The following SCN1A variants were observed in gnomAD, a reference collection of about 807,000 sequenced individuals.
The protein encoded by SCN1A is sodium voltage-gated channel alpha subunit 1, also known as sodium channel protein type 1 subunit alpha.
SCN1A carries 13 observed loss-of-function variants against 193.7 expected under a neutral mutation model. The ratio of observed to expected loss-of-function variants is 0.07; its 90% CI spans 0.04 to 0.11. SCN1A has a LOEUF of 0.11. Ranked by LOEUF, SCN1A falls within the 10% of genes least tolerant of loss-of-function variation. SCN1A has a pLI of 1.00. For missense variants in SCN1A, 1,432 were observed against 2,451.1 expected (o/e 0.58, Z 8.78); for synonymous variants, 781 against 843.6 (o/e 0.93, Z 1.29).
At chr2:165,997,560 G>T (rs1177796287) in intron 26 of SCN1A, among the ~76,000 whole-genome samples, 1 of 151,126 alleles carries the variant, frequency 6.6e-6, no homozygotes, top group Non-Finnish European at 1.5e-5. Context: ...CTTGGAGAAA[G>T]AAATGGGAAT....
chr2:166,008,425 A>ATT (rs559114893), intron 23 of SCN1A, among the ~76,000 whole-genome samples: 1 of 150,946 alleles, frequency 6.6e-6, no homozygotes, highest in African/African-American at 2.4e-5. Flanking sequence ...CACAAATGAC[A>ATT]TTTTTTTTCT....
chr2:166,034,232 A>G (rs962611677), intron 19 of SCN1A, among the ~76,000 whole-genome samples: 9 of 152,170 alleles, frequency 5.9e-5, no homozygotes, highest in Admixed American at 2.0e-4. Context: ...GAATTAACTA[A>G]GCAGCTCTAA....
chr2:166,129,372 G>A (rs1335839057), upstream of SCN1A, among the ~76,000 whole-genome samples: 1 of 152,060 alleles, frequency 6.6e-6, no homozygotes, highest in Non-Finnish European at 1.5e-5. Flanking sequence ...ACATTTACTA[G>A]CCCTTAATTA....
chr2:166,119,908 T>G (rs933597974), intron 2 of SCN1A, among the ~76,000 whole-genome samples: 2 of 152,186 alleles, frequency 1.3e-5, no homozygotes, highest in African/African-American at 4.8e-5. Context: ...TTATTCTAGT[T>G]TTTAAGGCAA....
intron 2 of SCN1A, among the ~76,000 whole-genome samples, chr2:166,080,151 C>T (rs1299161445): frequency 6.6e-6 from 1 of 151,472 alleles, no homozygotes; most frequent in African/African-American, 2.4e-5. Flanking sequence ...GAGATTTCAC[C>T]TCTTTATTCT....
At chr2:166,017,582 C>T (rs950005522) in intron 19 of SCN1A, among the ~76,000 whole-genome samples, 3 of 151,898 alleles carry the variant, frequency 2.0e-5, no homozygotes, top group East Asian at 1.9e-4. Flanking sequence ...TGGCACTATC[C>T]GGGACATAAT....
At chr2:166,047,542 T>A in intron 11 of SCN1A, 85 bp downstream of exon 11, 2 of 1,467,146 alleles carry the variant, frequency 1.4e-6, no homozygotes, top group Admixed American at 3.4e-5. Context: ...TTCTACTATA[T>A]TATCATCCGG....
At chr2:166,148,670 G>T (rs780010598) in intron 1 of SCN1A, among the ~76,000 whole-genome samples, 2 of 152,092 alleles carry the variant, frequency 1.3e-5, no homozygotes, top group African/African-American at 2.4e-5. Flanking sequence ...ACTTACAAGG[G>T]AAGCAAATTT....
intron 2 of SCN1A, chr2:166,081,725 G>C (rs1232019001): frequency 6.6e-6 from 1 of 151,696 alleles, no homozygotes; most frequent in Non-Finnish European, 1.5e-5. Context: ...TAAATTCTAT[G>C]TTGTTTTTAA....
intron 1 of SCN1A, among the ~76,000 whole-genome samples, chr2:166,146,530 G>A (rs1360455311): frequency 1.3e-5 from 2 of 152,150 alleles, no homozygotes; most frequent in Non-Finnish European, 1.5e-5. Context: ...ACAACTGAGG[G>A]TTTCTATGGA....
intron 4 of SCN1A, among the ~76,000 whole-genome samples, chr2:166,072,922 G>A (rs533797863): frequency 3.5e-5 from 5 of 144,576 alleles, no homozygotes; most frequent in South Asian, 4.4e-4. Context: ...CTGCAACCTC[G>A]GCCTCCAGGG....
intron 23 of SCN1A, among the ~76,000 whole-genome samples, chr2:166,008,878 T>C (rs1356475388): frequency 1.3e-5 from 2 of 150,874 alleles, no homozygotes; most frequent in Non-Finnish European, 3.0e-5. Context: ...TAATTTTTTA[T>C]ATTATATATC....
intron 1 of SCN1A, among the ~76,000 whole-genome samples, chr2:166,135,451 C>T (rs1574641915): frequency 6.6e-6 from 1 of 152,178 alleles, no homozygotes; most frequent in African/African-American, 2.4e-5. Context: ...AAGTCATTGA[C>T]TTTACCAGGA....
chr2:166,008,690 TGAGAA>T (rs1691988772), intron 23 of SCN1A, among the ~76,000 whole-genome samples: 1 of 151,008 alleles, frequency 6.6e-6, no homozygotes, highest in African/African-American at 2.4e-5. Context: ...TAATAAGACT[TGAGAA>T]GAGAACATAA....
chr2:166,083,620 G>T (rs2106032437), intron 2 of SCN1A, among the ~76,000 whole-genome samples: 1 of 152,152 alleles, frequency 6.6e-6, no homozygotes, highest in South Asian at 2.1e-4. Context: ...GGCTCTGCCT[G>T]TAGTTTTCTC....
chr2:166,066,687 T>G (rs1369757243), intron 4 of SCN1A, among the ~76,000 whole-genome samples: 1 of 152,148 alleles, frequency 6.6e-6, no homozygotes, highest in Non-Finnish European at 1.5e-5. Flanking sequence ...TCCTTCTGTC[T>G]GACACCTAAA....
At chr2:166,033,908 T>G (rs1695977491) in intron 19 of SCN1A, among the ~76,000 whole-genome samples, 1 of 152,142 alleles carries the variant, frequency 6.6e-6, no homozygotes, top group Non-Finnish European at 1.5e-5. Context: ...GTCTAAAGAT[T>G]CAAGACAAAG....
chr2:166,002,345 C>T lies in SCN1A; in HGVS notation c.4284+127G>A, dbSNP rs1691004540. On this transcript the variant is annotated intron_variant, in intron 24 of 28. Coordinates refer to ENST00000674923, the MANE Select transcript of SCN1A (RefSeq NM_001165963.4). ...ATCTGGGCTCATAAACTTGTACTAA[C>T]AAATTGAAATTTTTTAAATAGAAAG... 3.9e-6 allele frequency: 4 copies of T among 1,038,468 alleles called. No individual in the cohort carries two copies. In the East Asian group the frequency reaches 1.0e-4, roughly 27 times the overall value. The allele number at this position is 1,038,468 out of a possible 1,614,324, so 64.3% of individuals were successfully genotyped here.
Position 166,007,372 on chromosome 2 carries a change from A to G in SCN1A, c.4002+2347T>C, listed in dbSNP as rs1476753090. 1.3e-5 allele frequency: 2 copies of G among 151,280 alleles called. No individual in the cohort carries two copies. Among genetic ancestry groups the G allele is most frequent in the Non-Finnish European group, 3.0e-5 (2 of 67,480 alleles). The allele number at this position is 151,280 out of a possible 1,614,324, so 9.4% of individuals were successfully genotyped here. A position where few individuals can be genotyped will look rare whatever the true frequency, so the allele number is the denominator to read the frequency against. ...GAACATTTGGTGTTACTTTTTGTTCATGATGCTCTCCGTCTGTTTCCCTAT... is the reference window on the plus strand; with the variant it reads ...GAACATTTGGTGTTACTTTTTGTTCGTGATGCTCTCCGTCTGTTTCCCTAT... On this transcript the variant is annotated intron_variant, in intron 23 of 28. Transcript: ENST00000674923.
Sources: allele counts gnomAD v4.1 joint callset (sites outside exome capture counted in the v4.1 genomes callset), GRCh38; gene constraint gnomAD v4.1.1; transcripts MANE v1.5; gene names NCBI Gene and HGNC (gene_info 2026-07-23, HGNC 2026-07-21).